The following PARN variants were observed in gnomAD, a reference collection of about 807,000 sequenced individuals.
PARN encodes the protein poly(A)-specific ribonuclease.
In PARN, 71 loss-of-function variants were observed where a neutral mutation model predicts 102.8. The ratio of observed to expected loss-of-function variants is 0.69; its 90% CI spans 0.57 to 0.84. The LOEUF (loss-of-function observed/expected upper bound fraction) is 0.84, where lower values mean the gene tolerates loss of function less well. PARN is among the 40% of genes least tolerant of loss of function. The probability of loss-of-function intolerance (pLI) is 0.00; values close to 1 mark genes in which losing one functional copy is unlikely to be tolerated. For synonymous variants in PARN, 261 were observed against 252.9 expected (o/e 1.03, Z -0.30); for missense variants, 782 against 760.9 (o/e 1.03, Z -0.33).
intron 21 of PARN, among the ~76,000 whole-genome samples, chr16:14,514,238 G>A (rs1339932366): frequency 6.6e-6 from 1 of 152,204 alleles, no homozygotes; most frequent in African/African-American, 2.4e-5. Context: ...AGGCTGGAGT[G>A]CAGAGGCACA....
chr16:14,579,820 AT>A (rs1969392665), intron 18 of PARN, among the ~76,000 whole-genome samples: 1 of 152,074 alleles, frequency 6.6e-6, no homozygotes, highest in Admixed American at 6.6e-5. Flanking sequence ...TACTAAAAAT[AT>A]AAAGATTAGC....
At chr16:14,562,569 G>A (rs988248942) in intron 18 of PARN, among the ~76,000 whole-genome samples, 3 of 151,468 alleles carry the variant, frequency 2.0e-5, no homozygotes, top group Non-Finnish European at 4.4e-5. Context: ...CCAAACTGTA[G>A]CATGCAACTA....
Position 14,435,721 on chromosome 16 carries a change from T to C in PARN, c.*996A>G, listed in dbSNP as rs1338939919. The C allele has an allele frequency of 1.3e-5, 2 of 152,106 alleles. No individual in the cohort carries two copies. Among genetic ancestry groups the C allele is most frequent in the Non-Finnish European group, 2.9e-5 (2 of 68,012 alleles). 9.4% of individuals were successfully genotyped at this position (152,106 alleles called of 1,614,324 possible). ...CAGAGTCCTATGAAAATGTTTTTAA[T>C]TTTCATCTTTTGGAAATACATTTTT... On this transcript the variant is annotated 3_prime_UTR_variant, in exon 24 of 24. Coordinates refer to ENST00000437198, the MANE Select transcript of PARN (RefSeq NM_002582.4).
intron 21 of PARN, among the ~76,000 whole-genome samples, chr16:14,536,665 G>A (rs966175254): frequency 6.6e-6 from 1 of 152,070 alleles, no homozygotes; most frequent in African/African-American, 2.4e-5. Flanking sequence ...AATAAAGAGA[G>A]GGGTATTAAA....
chr16:14,526,351 G>A (rs1034936200), intron 21 of PARN, among the ~76,000 whole-genome samples: 3 of 150,454 alleles, frequency 2.0e-5, no homozygotes, highest in Admixed American at 6.6e-5. Flanking sequence ...TAATTTTTTT[G>A]TATTTTTAGT....
chr16:14,498,877 T>C (rs900280411), intron 21 of PARN, among the ~76,000 whole-genome samples: 2 of 152,250 alleles, frequency 1.3e-5, no homozygotes, highest in Admixed American at 6.5e-5. Flanking sequence ...CGCTTTGCCT[T>C]GATGAGATGA....
intron 18 of PARN, among the ~76,000 whole-genome samples, chr16:14,574,700 G>A (rs1214216638): frequency 6.6e-6 from 1 of 152,074 alleles, no homozygotes; most frequent in Non-Finnish European, 1.5e-5. Flanking sequence ...GCAAGAGAGT[G>A]AGACCCCATC....
chr16:14,626,673 G>A (rs1180496219), intron 5 of PARN, among the ~76,000 whole-genome samples: 7 of 151,106 alleles, frequency 4.6e-5, no homozygotes, highest in East Asian at 3.9e-4. Context: ...GTGCAGGGGC[G>A]TGATCTCGGC....
chr16:14,491,544 G>C (rs546617635), intron 21 of PARN, among the ~76,000 whole-genome samples: 1 of 151,974 alleles, frequency 6.6e-6, no homozygotes, highest in Non-Finnish European at 1.5e-5. Flanking sequence ...TGGGAGGATC[G>C]CTTAAGCCCA....
At chr16:14,540,631 C>G (rs1966802085) in intron 21 of PARN, among the ~76,000 whole-genome samples, 1 of 152,106 alleles carries the variant, frequency 6.6e-6, no homozygotes, top group Non-Finnish European at 1.5e-5. Context: ...AGGTCTGGAT[C>G]ACAAAATAGG....
intron 5 of PARN, among the ~76,000 whole-genome samples, chr16:14,622,117 C>A (rs767344031): frequency 4.6e-5 from 7 of 152,000 alleles, no homozygotes; most frequent in Non-Finnish European, 5.9e-5. Flanking sequence ...CACTTGAACT[C>A]GGGAGGTGGA....
In PARN at chr16:14,542,387, T is replaced by G. The variant is rs549981627; in HGVS notation, c.1480+9634A>C. On this transcript the variant is annotated intron_variant, in intron 21 of 23. Transcript: ENST00000437198. ...CTCAGGCTGGAGTGGAGTGGTACAG[T>G]TACAGCTCATTACAGCCTCAAACTG... Among the ~76,000 whole-genome samples, 5 of 151,400 alleles carry G rather than the reference T, an allele frequency of 3.3e-5. No individual in the cohort carries two copies. In the East Asian group the frequency reaches 9.7e-4, roughly 29 times the overall value.
chr16:14,441,981 A>G (rs1960961732), intron 23 of PARN, among the ~76,000 whole-genome samples: 1 of 152,188 alleles, frequency 6.6e-6, no homozygotes, highest in Non-Finnish European at 1.5e-5. Context: ...AAACACTTAA[A>G]AGGCCTAACA....
chr16:14,587,014 T>G (rs879111424), intron 13 of PARN, among the ~76,000 whole-genome samples: 5 of 152,206 alleles, frequency 3.3e-5, no homozygotes, highest in African/African-American at 1.2e-4. Context: ...GTCCTCTAAT[T>G]TTGAATTAAC....
chr16:14,588,649 G>A lies in PARN; in HGVS notation c.919-2288C>T, dbSNP rs138436127. On this transcript the variant is annotated intron_variant, in intron 13 of 23. Transcript: ENST00000437198. ...ATCCCAGCACTTTGGAAAGCCGAGC[G>A]GGTGGATCACTTGAGGCCGGAAGTT... Among the ~76,000 whole-genome samples, 20 of 152,116 alleles carry A rather than the reference G, an allele frequency of 1.3e-4. No homozygotes were observed. The East Asian group carries it at 3.5e-3, about 26-fold the overall frequency.
chr16:14,603,501 G>A (rs758623678), intron 11 of PARN, among the ~76,000 whole-genome samples: 19 of 152,012 alleles, frequency 1.2e-4, no homozygotes, highest in Middle Eastern at 3.4e-3. Flanking sequence ...AGTCTACCCC[G>A]TTGTGCAAAT....
At chr16:14,586,262 C>T (rs1969847901) in intron 14 of PARN, 56 bp downstream of exon 14, 2 of 994,126 alleles carry the variant, frequency 2.0e-6, no homozygotes, top group Admixed American at 4.0e-5. Flanking sequence ...TAGGTGTGAG[C>T]CACCGTGCCC....
Position 14,436,506 on chromosome 16 carries a change from A to G in PARN, c.*211T>C. 1.7e-6 allele frequency: 1 copy of G among 596,990 alleles called. No individual in the cohort carries two copies. The highest frequency in any genetic ancestry group is 3.0e-6 in the Non-Finnish European group (1 of 335,498). 37.0% of individuals were successfully genotyped at this position (596,990 alleles called of 1,614,324 possible). A position where few individuals can be genotyped will look rare whatever the true frequency, so the allele number is the denominator to read the frequency against. On this transcript the variant is annotated 3_prime_UTR_variant, in exon 24 of 24. Transcript: ENST00000437198. ...TTCATGACAGCCTACAACCGTGATG[A>G]GTGTCAATGTCAACAGGCAGTTAGA...
intron 13 of PARN, 36 bp downstream of exon 13, chr16:14,593,265 C>G (rs1450616284): frequency 9.2e-7 from 1 of 1,092,758 alleles, no homozygotes; most frequent in Admixed American, 1.8e-5. Context: ...AAAAAGAATC[C>G]TGCTAATATT....
Sources: gnomAD v4.1 joint callset for allele counts (sites outside exome capture counted in the v4.1 genomes callset) on GRCh38, gnomAD v4.1.1 for gene constraint, MANE v1.5 for transcripts, NCBI Gene and HGNC (gene_info 2026-07-23, HGNC 2026-07-21) for gene names.